The following PCBD2 variants were observed in gnomAD, a reference collection of about 807,000 sequenced individuals.
PCBD2 encodes pterin-4 alpha-carbinolamine dehydratase 2.
In PCBD2, 12 loss-of-function variants were observed where a neutral mutation model predicts 16.4. The ratio of observed to expected loss-of-function variants is 0.73; its 90% confidence interval spans 0.47 to 1.19. PCBD2 has a LOEUF of 1.19. Ranked by LOEUF, PCBD2 falls within the 50% of genes most tolerant of loss-of-function variation. The pLI is 0.00. For missense variants in PCBD2, 138 were observed against 156.8 expected, an observed-to-expected ratio of 0.88 and a Z score of 0.64; for synonymous variants, 58 against 61.8, an observed-to-expected ratio of 0.94 and a Z score of 0.29.
chr5:134,922,663 CTTTTTTTTT>C (rs1428418013), intron 2 of PCBD2, among the ~76,000 whole-genome samples: 1 of 135,874 alleles, frequency 7.4e-6, no homozygotes, highest in African/African-American at 2.7e-5. Flanking sequence ...GAAGGAAAAT[CTTTTTTTTT>C]TTTTTTTTGA....
chr5:134,958,218 C>A (rs1031871667), intron 2 of PCBD2, among the ~76,000 whole-genome samples: 7 of 152,188 alleles, frequency 4.6e-5, no homozygotes, highest in African/African-American at 1.7e-4. Context: ...TTTGCAGTTA[C>A]CTTCATAAAA....
intron 2 of PCBD2, chr5:134,925,827 G>A: frequency 1.5e-5 from 6 of 394,828 alleles, no homozygotes; most frequent in Non-Finnish European, 2.7e-5. Context: ...CTAGTAGTGG[G>A]GTGAGGCTTG....
chr5:134,914,619 A>C (rs1003047705), intron 2 of PCBD2, among the ~76,000 whole-genome samples: 1 of 152,018 alleles, frequency 6.6e-6, no homozygotes, highest in African/African-American at 2.4e-5. Context: ...GTAGGGAAGT[A>C]CAGTTGTGAT....
Position 134,961,642 on chromosome 5 carries a change from C to A in PCBD2, c.*961C>A, listed in dbSNP as rs1406610991. ...TGGGGAGTATTCACACATTTTATAA[C>A]CCAGAAATTCAAGCAATTCTGGTGA... On this transcript the variant is annotated 3_prime_UTR_variant, in exon 4 of 4. Coordinates refer to ENST00000254908, the MANE Select transcript of PCBD2 (RefSeq NM_032151.5). 6.6e-6 allele frequency among the ~76,000 whole-genome samples: 1 copy of A among 152,080 alleles called. No homozygotes were observed. Among genetic ancestry groups the A allele is most frequent in the African/African-American group, 2.4e-5 (1 of 41,396 alleles).
intron 2 of PCBD2, among the ~76,000 whole-genome samples, chr5:134,920,267 A>G (rs1394799238): frequency 6.6e-6 from 1 of 152,214 alleles, no homozygotes; most frequent in African/African-American, 2.4e-5. Context: ...GATTGAGATC[A>G]TGGAATTACT....
At chr5:134,929,134 G>C (rs1246807425) in intron 2 of PCBD2, among the ~76,000 whole-genome samples, 4 of 152,142 alleles carry the variant, frequency 2.6e-5, no homozygotes, top group Non-Finnish European at 4.4e-5. Context: ...TCAGGACTTG[G>C]TCCATTTAGG....
intron 2 of PCBD2, among the ~76,000 whole-genome samples, chr5:134,937,517 T>G (rs111700913): frequency 2.0e-5 from 3 of 152,334 alleles, no homozygotes; most frequent in African/African-American, 7.2e-5. Flanking sequence ...CATTGCCTAT[T>G]TACCAATTAA....
At chr5:134,945,724 T>A (rs1480186234) in intron 2 of PCBD2, among the ~76,000 whole-genome samples, 1 of 152,222 alleles carries the variant, frequency 6.6e-6, no homozygotes, top group Non-Finnish European at 1.5e-5. Context: ...ATAAAATTAC[T>A]TTATGTATGA....
chr5:134,923,044 G>T (rs1265358251), intron 2 of PCBD2, among the ~76,000 whole-genome samples: 4 of 152,264 alleles, frequency 2.6e-5, no homozygotes, highest in Non-Finnish European at 5.9e-5. Context: ...ACTATGGGAA[G>T]GACTTTACAT....
At chr5:134,916,959 A>G (rs926585934) in intron 2 of PCBD2, among the ~76,000 whole-genome samples, 2 of 152,176 alleles carry the variant, frequency 1.3e-5, no homozygotes, top group Non-Finnish European at 2.9e-5. Context: ...ACAGGGTGGG[A>G]TTGGCATTTG....
At chr5:134,917,869 C>G (rs1488335599) in intron 2 of PCBD2, among the ~76,000 whole-genome samples, 1 of 152,026 alleles carries the variant, frequency 6.6e-6, no homozygotes, top group Non-Finnish European at 1.5e-5. Context: ...TTCAAAGTTA[C>G]TTTTGCTGCC....
chr5:134,925,503 G>C (rs1356998981), intron 2 of PCBD2: 1 of 398,396 alleles, frequency 2.5e-6, no homozygotes, highest in African/African-American at 2.1e-5. Context: ...GTGGTTGGTT[G>C]ATGCCGATTG....
rs58911694 is a variant in PCBD2, at chr5:134,962,072, TTGTGTGTGTGTG to T, written c.*1415_*1426del. The stretch of plus-strand genomic sequence containing the variant: ...CATTGCCCCCAGCCAGTATAACAGT[TTGTGTGTGTGTG>T]TGTGTGTGTGTGTGTGTGTGTGTTT... On this transcript the variant is annotated 3_prime_UTR_variant, in exon 4 of 4. Coordinates refer to ENST00000254908, the MANE Select transcript of PCBD2 (RefSeq NM_032151.5). Among the ~76,000 whole-genome samples, 12 of 140,492 alleles carry T rather than the reference TTGTGTGTGTGTG, an allele frequency of 8.5e-5. No homozygotes were observed. The highest frequency in any genetic ancestry group is 1.4e-4 in the Non-Finnish European group (9 of 64,936). The allele number at this position is 140,492 out of a possible 152,430, so 92.2% of individuals were successfully genotyped here.
intron 2 of PCBD2, among the ~76,000 whole-genome samples, chr5:134,928,838 G>A (rs1322248752): frequency 3.3e-5 from 5 of 152,146 alleles, no homozygotes; most frequent in African/African-American, 4.8e-5. Flanking sequence ...GGGCCTGGAG[G>A]AAAGGAGGAA....
chr5:134,924,637 G>C (rs559889184), intron 2 of PCBD2: 2 of 397,394 alleles, frequency 5.0e-6, no homozygotes, highest in East Asian at 3.6e-5. Context: ...GAGATTGCTC[G>C]GGGGAATAGA....
intron 2 of PCBD2, among the ~76,000 whole-genome samples, chr5:134,952,345 A>G (rs891750820): frequency 5.9e-5 from 9 of 152,154 alleles, no homozygotes; most frequent in African/African-American, 1.9e-4. Flanking sequence ...ACTTTTTGGA[A>G]TTGATTGAGA....
At chr5:134,942,130 C>CAAA (rs397882223) in intron 2 of PCBD2, among the ~76,000 whole-genome samples, 50 of 82,158 alleles carry the variant, frequency 6.1e-4, no homozygotes, top group African/African-American at 2.0e-3. Context: ...GGCTCTGTCT[C>CAAA]AAAAAAAAAA....
intron 1 of PCBD2, among the ~76,000 whole-genome samples, chr5:134,906,827 A>G (rs1750696843): frequency 6.6e-6 from 1 of 152,206 alleles, no homozygotes; most frequent in African/African-American, 2.4e-5. Flanking sequence ...CCCACAGCTA[A>G]AAGTAACAAA....
chr5:134,925,479 C>A (rs1303979774), intron 2 of PCBD2: 2 of 398,296 alleles, frequency 5.0e-6, no homozygotes, highest in Admixed American at 4.4e-5. Flanking sequence ...TACAGATGTG[C>A]AGGAATGCTA....
Sources: allele counts gnomAD v4.1 joint callset (sites outside exome capture counted in the v4.1 genomes callset), GRCh38; gene constraint gnomAD v4.1.1; transcripts MANE v1.5; gene names NCBI Gene and HGNC (gene_info 2026-07-23, HGNC 2026-07-21).